Variants in FMN1 observed in about 807,000 individuals in gnomAD.
FMN1 encodes the protein formin-1.
Under a neutral mutation model 132.4 loss-of-function variants are expected in FMN1, and 110 were observed. That is an observed-to-expected ratio of 0.83 (90% CI 0.71 to 0.97). The LOEUF is 0.97. FMN1 is among the 50% of genes least tolerant of loss of function. The pLI, the probability that FMN1 is intolerant of heterozygous loss-of-function variation, is 0.00. For synonymous variants in FMN1, 722 were observed against 651.7 expected (o/e 1.11, Z -1.64); for missense variants, 1,792 against 1,705.3 (o/e 1.05, Z -0.90).
At chr15:33,064,934 T>A in intron 6 of FMN1, 23 bp downstream of exon 6, 1 of 1,526,654 alleles carries the variant, frequency 6.6e-7, no homozygotes, top group South Asian at 1.2e-5. Context: ...CATTCCCGGG[T>A]CCCTAGCTTC....
At chr15:33,107,615 T>C (rs187430656) in intron 4 of FMN1, among the ~76,000 whole-genome samples, 1 of 152,146 alleles carries the variant, frequency 6.6e-6, no homozygotes, top group African/African-American at 2.4e-5. Flanking sequence ...TTCCCCAGGC[T>C]GTTAAATGGC....
chr15:32,909,651 T>C (rs1331128484), intron 11 of FMN1, among the ~76,000 whole-genome samples: 2 of 152,132 alleles, frequency 1.3e-5, no homozygotes, highest in African/African-American at 4.8e-5. Context: ...GAAATACCAT[T>C]ACTTAAGAGA....
intron 10 of FMN1, among the ~76,000 whole-genome samples, chr15:32,924,302 G>A (rs964661260): frequency 6.6e-6 from 1 of 152,170 alleles, no homozygotes; most frequent in African/African-American, 2.4e-5. Flanking sequence ...CAGCTTATCT[G>A]AATGCTCTGT....
At position 32,770,401 on chromosome 15, in the gene FMN1, GCAAACATCATAGAGAA is replaced by G. The variant is rs1421143115; in HGVS notation, c.*3893_*3908del. Reference sequence around the variant, plus strand: ...TCATTAAAATGAAAATTTCTCTGTTGCAAACATCATAGAGAAAATGTGCAATCCCAGGCCAATAAGC... The same window carrying G: ...TCATTAAAATGAAAATTTCTCTGTTGAATGTGCAATCCCAGGCCAATAAGC... On this transcript the variant is annotated 3_prime_UTR_variant, in exon 21 of 21. Transcript: ENST00000616417. 1.4e-5 allele frequency: 1 copy of G among 72,150 alleles called. No homozygotes were observed. The highest frequency in any genetic ancestry group is 4.0e-5 in the Non-Finnish European group (1 of 24,796). The allele number at this position is 72,150 out of a possible 1,614,324, so 4.5% of individuals were successfully genotyped here.
chr15:32,975,711 A>G (rs2032149542), intron 7 of FMN1, among the ~76,000 whole-genome samples: 3 of 152,154 alleles, frequency 2.0e-5, no homozygotes, highest in Admixed American at 6.6e-5. Flanking sequence ...CTTAACGTAG[A>G]TAAGAATTCT....
intron 8 of FMN1, among the ~76,000 whole-genome samples, chr15:32,964,998 A>G (rs1396907658): frequency 2.0e-5 from 3 of 152,202 alleles, no homozygotes; most frequent in African/African-American, 7.2e-5. Context: ...AATCAGGCGT[A>G]ACAGAACAGC....
intron 17 of FMN1, among the ~76,000 whole-genome samples, chr15:32,834,751 T>C (rs868172459): frequency 6.6e-6 from 1 of 152,186 alleles, no homozygotes; most frequent in Non-Finnish European, 1.5e-5. Flanking sequence ...TTTGAACAAA[T>C]AGTTTTCCAT....
chr15:32,838,780 A>C (rs1005531669), intron 17 of FMN1, among the ~76,000 whole-genome samples: 66 of 152,382 alleles, frequency 4.3e-4, no homozygotes, highest in African/African-American at 1.5e-3. Context: ...TTTTTCTCCC[A>C]AATGAGCTGA....
intron 9 of FMN1, among the ~76,000 whole-genome samples, chr15:32,946,727 T>C (rs1413073399): frequency 6.6e-6 from 1 of 152,148 alleles, no homozygotes; most frequent in Admixed American, 6.6e-5. Context: ...GGTAAATTCC[T>C]AGGTATAGCT....
At position 33,059,046 on chromosome 15, in the gene FMN1, C is replaced by T. The variant is rs547043630; in HGVS notation, c.2161+5911G>A. Among the ~76,000 whole-genome samples the T allele has an allele frequency of 1.5e-4, 23 of 152,282 alleles. 1 individual carries two copies. In the South Asian group the frequency reaches 4.4e-3, roughly 29 times the overall value. ...TTGATCAACAACTCTCCATTCCCTC[C>T]GTCTCACATCCCCAGCCTCTGATAA... On this transcript the variant is annotated intron_variant, in intron 6 of 20. Coordinates refer to ENST00000616417, the MANE Select transcript of FMN1 (RefSeq NM_001277313.2).
In FMN1 at chr15:32,770,577, GTTTC is replaced by G. The variant is rs746559811; in HGVS notation, c.*3729_*3732del. 1.8e-4 allele frequency: 28 copies of G among 152,104 alleles called. No individual in the cohort carries two copies. The highest frequency in any genetic ancestry group is 3.4e-4 in the Non-Finnish European group (23 of 67,998). 9.4% of individuals were successfully genotyped at this position (152,104 alleles called of 1,614,324 possible). Reference sequence around the variant, plus strand: ...TTTATTCCTTCCTTCAGTTTTTCCAGTTTCTTTACCAGCAGTATCTGAACTTTTC... The same window carrying G: ...TTTATTCCTTCCTTCAGTTTTTCCAGTTTACCAGCAGTATCTGAACTTTTC... On this transcript the variant is annotated 3_prime_UTR_variant, in exon 21 of 21. Coordinates refer to ENST00000616417, the MANE Select transcript of FMN1 (RefSeq NM_001277313.2).
At chr15:33,124,821 T>G (rs979332001) in intron 4 of FMN1, among the ~76,000 whole-genome samples, 1 of 150,562 alleles carries the variant, frequency 6.6e-6, no homozygotes, top group African/African-American at 2.4e-5. Flanking sequence ...CAATACTAGA[T>G]GAAAAAAATG....
rs113507784 is a variant in FMN1 at position 32,950,022 on chromosome 15, T to C, written c.3138+14085A>G. On this transcript the variant is annotated intron_variant, in intron 9 of 20. Transcript: ENST00000616417. Reference sequence around the variant, plus strand: ...ACATACACATATATATATACACATATATATATATATACACATATATATATA... The same window carrying C: ...ACATACACATATATATATACACATACATATATATATACACATATATATATA... Among the ~76,000 whole-genome samples, 20 of 3,338 alleles carry C rather than the reference T, an allele frequency of 6.0e-3. 1 individual carries two copies. The highest frequency in any genetic ancestry group is 0.05 in the South Asian group (2 of 40). The allele number at this position is 3,338 out of a possible 152,430, so 2.2% of individuals were successfully genotyped here. A position where few individuals can be genotyped will look rare whatever the true frequency, so the allele number is the denominator to read the frequency against.
chr15:32,944,803 G>A (rs1018756814), intron 9 of FMN1, among the ~76,000 whole-genome samples: 2 of 152,076 alleles, frequency 1.3e-5, no homozygotes, highest in Admixed American at 1.3e-4. Flanking sequence ...GGGAGGGTAG[G>A]GCTGTGGGCA....
intron 6 of FMN1, among the ~76,000 whole-genome samples, chr15:33,014,302 G>A (rs1016122312): frequency 2.0e-5 from 3 of 152,216 alleles, no homozygotes; most frequent in African/African-American, 7.2e-5. Context: ...CTTGAGGCTT[G>A]CAGATGCCTG....
In FMN1 at chr15:33,122,340, G is replaced by A. The variant is rs374990216; in HGVS notation, c.1867+30708C>T. Among the ~76,000 whole-genome samples, 6 of 152,266 alleles carry A rather than the reference G, an allele frequency of 3.9e-5. No homozygotes were observed. The South Asian group carries it at 1.0e-3, about 26-fold the overall frequency. ...ACCATGTAATTGTGCTTTAAAAGAA[G>A]AAAATTTTTTAACCCAGGCATGTAT... On this transcript the variant is annotated intron_variant, in intron 4 of 20. Coordinates refer to ENST00000616417, the MANE Select transcript of FMN1 (RefSeq NM_001277313.2).
intron 10 of FMN1, among the ~76,000 whole-genome samples, chr15:32,925,956 G>T (rs2060948805): frequency 6.6e-6 from 1 of 152,098 alleles, no homozygotes; most frequent in Non-Finnish European, 1.5e-5. Context: ...ATTTTTAACA[G>T]ATGACTTATA....
intron 7 of FMN1, among the ~76,000 whole-genome samples, chr15:32,973,587 A>C (rs1285465020): frequency 1.4e-5 from 2 of 144,472 alleles, no homozygotes; most frequent in East Asian, 4.1e-4. Flanking sequence ...CCCCCCCCAA[A>C]AAAACACTTG....
In FMN1 at chr15:32,948,933, A is replaced by G. The variant is rs541834905; in HGVS notation, c.3138+15174T>C. On this transcript the variant is annotated intron_variant, in intron 9 of 20. Transcript: ENST00000616417. Reference sequence around the variant, plus strand: ...AAAAATGGCTTTTTCCTGCTGTTCAACCTAATATTTCCTTTTAATTTCTTT... The same window carrying G: ...AAAAATGGCTTTTTCCTGCTGTTCAGCCTAATATTTCCTTTTAATTTCTTT... 3.3e-5 allele frequency among the ~76,000 whole-genome samples: 5 copies of G among 151,688 alleles called. No individual in the cohort carries two copies. The East Asian group carries it at 9.7e-4, about 29-fold the overall frequency.
Sources: allele counts gnomAD v4.1 joint callset (sites outside exome capture counted in the v4.1 genomes callset), GRCh38; gene constraint gnomAD v4.1.1; transcripts MANE v1.5; gene names NCBI Gene and HGNC (gene_info 2026-07-23, HGNC 2026-07-21).